The following DOCK11 variants were observed in gnomAD, a reference collection of about 807,000 sequenced individuals.
DOCK11 encodes dedicator of cytokinesis 11, also known as dedicator of cytokinesis protein 11.
Under a neutral mutation model 169.1 loss-of-function variants are expected in DOCK11, and 70 were observed. That is an observed-to-expected ratio of 0.41 (90% CI 0.34 to 0.51). The LOEUF is 0.51. Ranked by LOEUF, DOCK11 falls within the 20% of genes least tolerant of loss-of-function variation. The pLI, the probability that DOCK11 is intolerant of heterozygous loss-of-function variation, is 0.10. For synonymous variants in DOCK11, 529 were observed against 541.3 expected (o/e 0.98, Z 0.32); for missense variants, 1,166 against 1,538.8 (o/e 0.76, Z 4.05).
Position 118,681,322 on chromosome X carries a change from A to G in DOCK11, c.5862+74A>G. 9 of 957,057 alleles carry G rather than the reference A, an allele frequency of 9.4e-6. No homozygotes were observed. The South Asian group carries it at 2.9e-4, about 31-fold the overall frequency. The allele number at this position is 957,057 out of a possible 1,213,427, so 78.9% of individuals were successfully genotyped here. A position where few individuals can be genotyped will look rare whatever the true frequency, so the allele number is the denominator to read the frequency against. The stretch of plus-strand genomic sequence containing the variant: ...GGTTTTATAAGGGCACAGAGCAAGC[A>G]TTAATTGTAATTATGTGTTGGGCAC... On this transcript the variant is annotated intron_variant, in intron 50 of 52. Transcript: ENST00000276202.
At chrX:118,519,646 G>A (rs764039989) in intron 1 of DOCK11, among the ~76,000 whole-genome samples, 2 of 112,073 alleles carry the variant, frequency 1.8e-5, no homozygotes, top group Non-Finnish European at 3.8e-5. Flanking sequence ...AGAGGTACCT[G>A]CTAACCAAAT....
intron 6 of DOCK11, among the ~76,000 whole-genome samples, chrX:118,546,563 A>G (rs2012290365): frequency 8.9e-6 from 1 of 112,340 alleles, no homozygotes. Context: ...GACAAGAAAT[A>G]TACTATTTTA....
intron 1 of DOCK11, among the ~76,000 whole-genome samples, chrX:118,528,760 G>A (rs1053300020): frequency 3.0e-5 from 3 of 100,196 alleles, no homozygotes; most frequent in Non-Finnish European, 4.0e-5. Flanking sequence ...GCACTTTTAT[G>A]GGAAGAGGTA....
intron 51 of DOCK11, among the ~76,000 whole-genome samples, chrX:118,682,798 A>G (rs929944782): frequency 1.8e-5 from 2 of 112,113 alleles, no homozygotes; most frequent in Non-Finnish European, 3.8e-5. Context: ...AGCTGATAGA[A>G]TGCCAAGGAA....
At chrX:118,680,458 A>G (rs756427101) in intron 48 of DOCK11, 24 bp from the exon 49 acceptor site, 1 of 902,608 alleles carries the variant, frequency 1.1e-6, no homozygotes, top group Non-Finnish European at 1.5e-6. Flanking sequence ...AAAATAAATA[A>G]ATAAAAACTT....
chrX:118,573,491 C>T (rs1375281013), intron 11 of DOCK11, among the ~76,000 whole-genome samples: 2 of 112,371 alleles, frequency 1.8e-5, no homozygotes, highest in Non-Finnish European at 3.8e-5. Context: ...AAACGTGTAG[C>T]GAATAAAATT....
Position 118,639,576 on chromosome X carries a change from C to T in DOCK11, c.4143C>T (p.His1381=). The T allele has an allele frequency of 8.3e-7, 1 of 1,206,985 alleles. No homozygotes were observed. The highest frequency in any genetic ancestry group is 1.1e-6 in the Non-Finnish European group (1 of 892,433). The change falls in exon 38 of 53, where the codon CAC becomes CAT. Residue 1381 remains histidine, a splice_region_variant and synonymous_variant. Coordinates refer to ENST00000276202, the MANE Select transcript of DOCK11 (RefSeq NM_144658.4). ...SSLESSFTLN[H]SSTTTEADIF... Reference sequence around the variant, plus strand: ...TAGAAAGTTCATTTACACTTAATCACAGTAAGTGAAAATGTGTGTGTGGTA... The same window carrying T: ...TAGAAAGTTCATTTACACTTAATCATAGTAAGTGAAAATGTGTGTGTGGTA...
intron 6 of DOCK11, among the ~76,000 whole-genome samples, chrX:118,552,593 G>T (rs140937978): frequency 6.2e-5 from 7 of 112,669 alleles, no homozygotes; most frequent in African/African-American, 1.9e-4. Flanking sequence ...TGTTGGCTGA[G>T]AAACTTGCCC....
intron 44 of DOCK11, among the ~76,000 whole-genome samples, chrX:118,658,855 G>C (rs1342992769): frequency 1.8e-5 from 2 of 111,868 alleles, no homozygotes; most frequent in Non-Finnish European, 3.8e-5. Context: ...GGGAAGACAA[G>C]AGTCAAGTCT....
chrX:118,549,148 C>A (rs866954588), intron 6 of DOCK11, among the ~76,000 whole-genome samples: 6,277 of 71,639 alleles, frequency 0.088, 631 homozygotes, highest in African/African-American at 0.37. Context: ...ACATATAAAA[C>A]TTTTTTTTTT....
chrX:118,672,690 C>T (rs1365930782), intron 46 of DOCK11, among the ~76,000 whole-genome samples: 3 of 113,027 alleles, frequency 2.7e-5, no homozygotes, highest in African/African-American at 9.6e-5. Flanking sequence ...CCGCCTTGGC[C>T]TCCCAAAGTG....
intron 41 of DOCK11, among the ~76,000 whole-genome samples, chrX:118,651,382 C>G (rs1250816764): frequency 9.0e-6 from 1 of 111,429 alleles, no homozygotes; most frequent in Non-Finnish European, 1.9e-5. Context: ...TGCAGTGAAC[C>G]AGTGAACCAA....
chrX:118,586,284 TTA>T (rs1418794684), intron 16 of DOCK11, among the ~76,000 whole-genome samples: 1 of 111,346 alleles, frequency 9.0e-6, no homozygotes, highest in Non-Finnish European at 1.9e-5. Flanking sequence ...ACTGGGTAAT[TTA>T]TAAAGGAGAG....
chrX:118,582,616 G>A (rs2013685987), intron 14 of DOCK11, among the ~76,000 whole-genome samples: 1 of 111,768 alleles, frequency 8.9e-6, no homozygotes. Context: ...TATGCTTAGC[G>A]AAGGATATGA....
chrX:118,544,476 T>G (rs2012162099), intron 4 of DOCK11, among the ~76,000 whole-genome samples: 1 of 109,496 alleles, frequency 9.1e-6, no homozygotes, highest in Admixed American at 9.9e-5. Flanking sequence ...GACATTTGTT[T>G]AGCCTTTTGT....
At chrX:118,672,052 C>T (rs1312657504) in intron 46 of DOCK11, among the ~76,000 whole-genome samples, 1 of 112,229 alleles carries the variant, frequency 8.9e-6, no homozygotes, top group Non-Finnish European at 1.9e-5. Context: ...TTTCACTAAA[C>T]CTTCACTTCA....
intron 46 of DOCK11, among the ~76,000 whole-genome samples, chrX:118,673,421 A>G (rs1482726739): frequency 9.0e-6 from 1 of 111,593 alleles, no homozygotes; most frequent in Non-Finnish European, 1.9e-5. Context: ...TCAGTGAGCT[A>G]TGATTGAGAC....
chrX:118,614,152 A>G lies in DOCK11; in HGVS notation c.3097-540A>G, dbSNP rs376879641. Reference sequence around the variant, plus strand: ...ACTAGGACAATGACAGTGGGCAAATATAAATAACTTGGGGCTGTCACAGAG... The same window carrying G: ...ACTAGGACAATGACAGTGGGCAAATGTAAATAACTTGGGGCTGTCACAGAG... On this transcript the variant is annotated intron_variant, in intron 28 of 52. Coordinates refer to ENST00000276202, the MANE Select transcript of DOCK11 (RefSeq NM_144658.4). Among the ~76,000 whole-genome samples the G allele has an allele frequency of 1.3e-4, 14 of 111,778 alleles. No individual in the cohort carries two copies. In the East Asian group the frequency reaches 3.4e-3, roughly 27 times the overall value.
chrX:118,543,293 T>A (rs1231631065), intron 3 of DOCK11, among the ~76,000 whole-genome samples: 1 of 111,705 alleles, frequency 9.0e-6, no homozygotes, highest in Non-Finnish European at 1.9e-5. Flanking sequence ...TTGAATACTC[T>A]TTGCACTGAG....
Sources: allele counts gnomAD v4.1 joint callset (sites outside exome capture counted in the v4.1 genomes callset), GRCh38; gene constraint gnomAD v4.1.1; transcripts MANE v1.5; gene names NCBI Gene and HGNC (gene_info 2026-07-23, HGNC 2026-07-21).